The following ERC1 variants were observed in gnomAD, a reference collection of about 807,000 sequenced individuals.
ERC1 encodes ELKS/RAB6-interacting/CAST family member 1, also known as RAB6 interacting protein 2.
Under a neutral mutation model 132.0 loss-of-function variants are expected in ERC1, and 56 were observed. That is an observed-to-expected ratio of 0.42 (90% CI 0.34 to 0.53). ERC1 has a LOEUF of 0.53. ERC1 is among the 20% of genes least tolerant of loss of function. The pLI is 0.03. For missense variants in ERC1, 1,202 were observed against 1,349.9 expected (o/e 0.89, Z 1.72); for synonymous variants, 478 against 476.1 (o/e 1.00, Z -0.05).
intron 18 of ERC1, among the ~76,000 whole-genome samples, chr12:1,457,207 T>TA (rs2093556247): frequency 6.6e-6 from 1 of 152,234 alleles, no homozygotes; most frequent in Non-Finnish European, 1.5e-5. Flanking sequence ...TAGGTCTGTG[T>TA]AAGTCAGTCT....
intron 15 of ERC1, among the ~76,000 whole-genome samples, chr12:1,335,238 G>A (rs965092689): frequency 1.7e-4 from 26 of 152,014 alleles, no homozygotes; most frequent in African/African-American, 6.3e-4. Flanking sequence ...TTGCCTGATT[G>A]CCCTGTCCAG....
intron 12 of ERC1, among the ~76,000 whole-genome samples, chr12:1,210,636 GTTATTA>G (rs973492604): frequency 6.6e-6 from 1 of 152,080 alleles, no homozygotes; most frequent in Non-Finnish European, 1.5e-5. Flanking sequence ...ATATGGGATT[GTTATTA>G]TTATTTTCTG....
chr12:1,375,809 C>A (rs959117013), intron 16 of ERC1, among the ~76,000 whole-genome samples: 8 of 146,560 alleles, frequency 5.5e-5, no homozygotes, highest in Non-Finnish European at 1.2e-4. Flanking sequence ...GCGATCTCGG[C>A]TCACTGCAAC....
chr12:1,369,334 T>C (rs936391770), intron 15 of ERC1, among the ~76,000 whole-genome samples: 18 of 152,242 alleles, frequency 1.2e-4, no homozygotes, highest in Admixed American at 1.0e-3. Context: ...GCTTCAACAA[T>C]ATGGAATTAT....
In ERC1 at chr12:1,288,090, A is replaced by T. The variant is rs151304169; in HGVS notation, c.2620-1762A>T. 4.3e-3 allele frequency among the ~76,000 whole-genome samples: 652 copies of T among 152,358 alleles called. 10 individuals are homozygous for T. The highest frequency in any genetic ancestry group is 0.015 in the African/African-American group (624 of 41,586). ...TTGAACCTGTAGATCAGTATAGATT[A>T]TGGTTCTTATCCATTACTGATTTTA... On this transcript the variant is annotated intron_variant, in intron 14 of 18. Transcript: ENST00000360905.
intron 8 of ERC1, among the ~76,000 whole-genome samples, chr12:1,147,861 G>A (rs1447468158): frequency 6.6e-6 from 1 of 152,170 alleles, no homozygotes; most frequent in Non-Finnish European, 1.5e-5. Context: ...TACCCAAAAT[G>A]TTGGTGACAT....
intron 7 of ERC1, among the ~76,000 whole-genome samples, chr12:1,130,235 A>G (rs907852639): frequency 4.6e-5 from 7 of 152,180 alleles, no homozygotes; most frequent in African/African-American, 1.7e-4. Flanking sequence ...AGAGTGACTC[A>G]TGCCTATAAT....
At chr12:1,224,279 G>T (rs1360402957) in intron 12 of ERC1, among the ~76,000 whole-genome samples, 1 of 151,912 alleles carries the variant, frequency 6.6e-6, no homozygotes. Context: ...AGACAGACAC[G>T]CATACACAGG....
chr12:1,394,129 A>G (rs779713833), intron 16 of ERC1, among the ~76,000 whole-genome samples: 141 of 150,522 alleles, frequency 9.4e-4, no homozygotes, highest in Non-Finnish European at 1.5e-3. Flanking sequence ...GGCCGGGCAC[A>G]GTGGCTCACA....
chr12:1,244,288 GTCT>G (rs1360777224), intron 13 of ERC1, among the ~76,000 whole-genome samples: 2 of 151,984 alleles, frequency 1.3e-5, no homozygotes, highest in East Asian at 1.9e-4. Flanking sequence ...AATTAATTAT[GTCT>G]TCTTATTTTA....
chr12:1,178,723 G>C (rs1954023282), intron 8 of ERC1, among the ~76,000 whole-genome samples: 2 of 152,112 alleles, frequency 1.3e-5, no homozygotes, highest in African/African-American at 4.8e-5. Flanking sequence ...CTCAAGAGGA[G>C]ATGGTGATTA....
chr12:1,315,793 A>C (rs968581174), intron 15 of ERC1, among the ~76,000 whole-genome samples: 2 of 152,234 alleles, frequency 1.3e-5, no homozygotes, highest in Non-Finnish European at 2.9e-5. Flanking sequence ...AATTGAGTTC[A>C]TAGAAAGACA....
chr12:1,147,726 T>C (rs1479230926), intron 8 of ERC1, among the ~76,000 whole-genome samples: 2 of 152,012 alleles, frequency 1.3e-5, no homozygotes, highest in Admixed American at 1.3e-4. Flanking sequence ...AGTTGTGGAG[T>C]TTGTGAGGAG....
At chr12:1,390,351 A>T (rs556632793) in intron 16 of ERC1, among the ~76,000 whole-genome samples, 41 of 152,314 alleles carry the variant, frequency 2.7e-4, no homozygotes, top group Admixed American at 1.1e-3. Flanking sequence ...TAAAATTTTA[A>T]AAAAATCAAG....
At chr12:1,081,544 C>A (rs747658864) in intron 2 of ERC1, among the ~76,000 whole-genome samples, 18 of 152,152 alleles carry the variant, frequency 1.2e-4, no homozygotes, top group African/African-American at 1.7e-4. Flanking sequence ...GCTTTGAATG[C>A]CAGCTCTATC....
intron 15 of ERC1, among the ~76,000 whole-genome samples, chr12:1,333,998 C>T (rs1382436142): frequency 6.6e-6 from 1 of 152,110 alleles, no homozygotes; most frequent in Admixed American, 6.5e-5. Flanking sequence ...CTCTAATGAT[C>T]CCTGATGTTG....
Position 1,305,909 on chromosome 12 carries a change from TAAAC to T in ERC1, c.2780+15900_2780+15903del, listed in dbSNP as rs762977374. Reference sequence around the variant, plus strand: ...GGGATGGGATGAATTACAGCTCTCTTAAACAACAGTTTTCTGTGGAAAGGCAGCA... The same window carrying T: ...GGGATGGGATGAATTACAGCTCTCTTAACAGTTTTCTGTGGAAAGGCAGCA... On this transcript the variant is annotated intron_variant, in intron 15 of 18. Transcript: ENST00000360905. 2.1e-3 allele frequency among the ~76,000 whole-genome samples: 324 copies of T among 152,308 alleles called. 2 individuals carry two copies. The highest frequency in any genetic ancestry group is 5.8e-3 in the Admixed American group (89 of 15,300).
rs555470054 is a variant in ERC1, at chr12:1,191,315, G to GT, written c.2351+1264dup. ...CCCCACAACACACACATGTACACAT[G>GT]TGTATATACCCCCTCACCCATTACG... On this transcript the variant is annotated intron_variant, in intron 12 of 18. Coordinates refer to ENST00000360905, the MANE Select transcript of ERC1 (RefSeq NM_178040.4). Among the ~76,000 whole-genome samples, 183 of 152,146 alleles carry GT rather than the reference G, an allele frequency of 1.2e-3. 1 individual carries two copies. Among genetic ancestry groups the GT allele is most frequent in the African/African-American group, 3.9e-3 (163 of 41,492 alleles).
chr12:995,115 A>G (rs1960547459), intron 1 of ERC1, among the ~76,000 whole-genome samples: 1 of 151,092 alleles, frequency 6.6e-6, no homozygotes, highest in Non-Finnish European at 1.5e-5. Context: ...AAAAAAAATT[A>G]GCATGGCAGT....
Sources: allele counts gnomAD v4.1 joint callset (sites outside exome capture counted in the v4.1 genomes callset), GRCh38; gene constraint gnomAD v4.1.1; transcripts MANE v1.5; gene names NCBI Gene and HGNC (gene_info 2026-07-23, HGNC 2026-07-21).